MTOR: variants seen among roughly 807,000 people sequenced by gnomAD.
MTOR encodes the protein serine/threonine-protein kinase mTOR.
Under a neutral mutation model 319.8 loss-of-function variants are expected in MTOR, and 70 were observed. The observed-to-expected ratio is 0.22, with a 90% CI of 0.18 to 0.27. MTOR has a LOEUF of 0.27. MTOR is among the 10% of genes least tolerant of loss of function. The pLI is 1.00. For synonymous variants in MTOR, 1,183 were observed against 1,211.4 expected, an observed-to-expected ratio of 0.98 and a Z score of 0.49; for missense variants, 1,890 against 3,274.4, an observed-to-expected ratio of 0.58 and a Z score of 10.32.
At chr1:11,175,558 T>C (rs1644956088) in intron 28 of MTOR, among the ~76,000 whole-genome samples, 1 of 152,176 alleles carries the variant, frequency 6.6e-6, no homozygotes, top group Non-Finnish European at 1.5e-5. Flanking sequence ...GCTGAACATC[T>C]TATCCCCACT....
Position 11,250,042 on chromosome 1 carries a change from G to C in MTOR, c.841-1948C>G, listed in dbSNP as rs1271792477. 9.6e-4 allele frequency among the ~76,000 whole-genome samples: 131 copies of C among 136,446 alleles called. 1 individual carries two copies. The South Asian group carries it at 0.032, about 34-fold the overall frequency. 89.5% of individuals were successfully genotyped at this position (136,446 alleles called of 152,430 possible). On this transcript the variant is annotated intron_variant, in intron 6 of 57. Coordinates refer to ENST00000361445, the MANE Select transcript of MTOR (RefSeq NM_004958.4). ...TCCCGGACGGGGTGGCTGGCCGGGC[G>C]GGGGGCTGACCCCCACACCTCCCTC... is the stretch of plus-strand genomic sequence containing the variant.
chr1:11,199,160 A>T lies in MTOR; in HGVS notation c.4253+98T>A, dbSNP rs529102568. ...GACCCAGAGGCAGATTTCACAGAGC[A>T]GAAGTCTTCAAGTGACTCCAGTGAA... On this transcript the variant is annotated intron_variant, in intron 28 of 57. Transcript: ENST00000361445. The surrounding 1 kb of genome is among the most constrained non-coding windows in gnomAD (Gnocchi z 4.5). 1 of 1,494,050 alleles carries T rather than the reference A, an allele frequency of 6.7e-7. No individual in the cohort carries two copies. Among genetic ancestry groups the T allele is most frequent in the South Asian group, 1.2e-5 (1 of 85,368 alleles). The allele number at this position is 1,494,050 out of a possible 1,614,324, so 92.5% of individuals were successfully genotyped here.
At chr1:11,210,782 G>A (rs781574890) in intron 24 of MTOR, 32 bp downstream of exon 24, 1 of 1,460,072 alleles carries the variant, frequency 6.8e-7, no homozygotes, top group East Asian at 2.3e-5. Context: ...AAGACAACAG[G>A]GACTTCAGAA....
rs28990669 is a variant in MTOR at position 11,196,479 on chromosome 1, T to A, written c.4253+2779A>T. ...CCCTGTAGCAGATAGGTTAAAAAAGTCAATAGGTTGCAAGACGGATTGAAC... is the reference window on the plus strand; with the variant it reads ...CCCTGTAGCAGATAGGTTAAAAAAGACAATAGGTTGCAAGACGGATTGAAC... On this transcript the variant is annotated intron_variant, in intron 28 of 57. Transcript: ENST00000361445. Among the ~76,000 whole-genome samples the A allele has an allele frequency of 2.0e-5, 3 of 152,216 alleles. No homozygotes were observed. The East Asian group carries it at 5.8e-4, about 29-fold the overall frequency.
chr1:11,237,539 C>T (rs1211774520), intron 13 of MTOR, among the ~76,000 whole-genome samples: 1 of 152,032 alleles, frequency 6.6e-6, no homozygotes, highest in East Asian at 1.9e-4. Flanking sequence ...AGCAGATCAA[C>T]CCAGCAAGCA....
intron 31 of MTOR, among the ~76,000 whole-genome samples, chr1:11,148,269 G>A (rs1156891549): frequency 6.6e-6 from 1 of 152,056 alleles, no homozygotes; most frequent in Non-Finnish European, 1.5e-5. Context: ...ATACTAGTCT[G>A]GAAACGCCTA....
At chr1:11,198,793 T>C (rs1452537770) in intron 28 of MTOR, among the ~76,000 whole-genome samples, 2 of 152,336 alleles carry the variant, frequency 1.3e-5, no homozygotes, top group East Asian at 3.9e-4. Flanking sequence ...TTTCAGATTA[T>C]GCTCTGCCTT....
chr1:11,120,849 A>G (rs1183833064), intron 49 of MTOR, among the ~76,000 whole-genome samples: 1 of 152,122 alleles, frequency 6.6e-6, no homozygotes, highest in East Asian at 1.9e-4. Context: ...TTCTATCCAC[A>G]GTTGGCTGAA....
At chr1:11,112,156 C>A (rs1456063843) in intron 54 of MTOR, among the ~76,000 whole-genome samples, 9 of 152,174 alleles carry the variant, frequency 5.9e-5, no homozygotes, top group Admixed American at 5.9e-4. Context: ...AGTCGCGCTC[C>A]TAGAAACACT....
Position 11,259,309 on chromosome 1 carries a change from T to C in MTOR, c.101A>G (p.Glu34Gly). The change falls in exon 2 of 58, where the codon GAG (glutamate) becomes GGG (glycine). Residue 34 changes from glutamate to glycine, a missense_variant. By Grantham distance (98) the Glu-to-Gly change is moderately conservative (BLOSUM62 -2). This residue lies in a region of MTOR where 85 missense variants were observed against 105.8 expected (regional missense o/e 0.80). Transcript: ENST00000361445. ...CTTGGCGGCTTTGGCCCTGGTTTCC[T>C]CATTCCGGCTCTTTAGGCCACTGGC... The part of the protein sequence containing the change: ...QFASGLKSRN[E>G]ETRAKAAKEL... The C allele has an allele frequency of 6.2e-7, 1 of 1,613,864 alleles. No homozygotes were observed. Among genetic ancestry groups the C allele is most frequent in the Non-Finnish European group, 8.5e-7 (1 of 1,179,918 alleles).
Position 11,129,850 on chromosome 1 carries a change from C to T in MTOR, c.5614-12G>A. 1 of 1,612,258 alleles carries T rather than the reference C, an allele frequency of 6.2e-7. No individual in the cohort carries two copies. On this transcript the variant is annotated splice_polypyrimidine_tract_variant and intron_variant, in intron 39 of 57. Transcript: ENST00000361445. The surrounding 1 kb of genome is among the most constrained non-coding windows in gnomAD (Gnocchi z 4.7). Reference sequence around the variant, plus strand: ...GTTTTGGACAGATCCTGTTGGAACACACACGTGTTAGCGACACTCTTGCCT... The same window carrying T: ...GTTTTGGACAGATCCTGTTGGAACATACACGTGTTAGCGACACTCTTGCCT...
chr1:11,248,612 G>A (rs2746641), intron 6 of MTOR, among the ~76,000 whole-genome samples: 1,768 of 152,202 alleles, frequency 0.012, 50 homozygotes, highest in African/African-American at 0.04. Context: ...AGGAGTTCAA[G>A]CCCAGCCTGG....
In MTOR at chr1:11,150,194, C is replaced by T; in HGVS notation, c.4502G>A (p.Trp1501Ter). Reference sequence around the variant, plus strand: ...TTGGGTCTCATCATTAACCAGGGTCCACTTTTCACAGCACTGCTGGTGGAG... The same window carrying T: ...TTGGGTCTCATCATTAACCAGGGTCTACTTTTCACAGCACTGCTGGTGGAG... ...GQLHQQCCEK[W>*]TLVNDETQAK... Residue 1501 changes from tryptophan to a stop codon, truncating the protein, a stop_gained, in exon 31 of 58, where the codon TGG becomes TAG. Coordinates refer to ENST00000361445, the MANE Select transcript of MTOR (RefSeq NM_004958.4). LOFTEE classifies it high-confidence loss of function. 6.2e-7 allele frequency: 1 copy of T among 1,614,058 alleles called. No individual in the cohort carries two copies. The highest frequency in any genetic ancestry group is 8.5e-7 in the Non-Finnish European group (1 of 1,179,998).
At chr1:11,140,168 T>C (rs555892104) in intron 34 of MTOR, among the ~76,000 whole-genome samples, 6 of 152,224 alleles carry the variant, frequency 3.9e-5, no homozygotes, top group East Asian at 1.9e-4. Flanking sequence ...CCAATTCCAC[T>C]GTGAAACACA....
chr1:11,134,344 A>T lies in MTOR; in HGVS notation c.5246+7T>A, dbSNP rs2100451585. The T allele has an allele frequency of 6.2e-7, 1 of 1,612,880 alleles. No individual in the cohort carries two copies. The highest frequency in any genetic ancestry group is 8.5e-7 in the Non-Finnish European group (1 of 1,179,294). On this transcript the variant is annotated splice_region_variant and intron_variant, in intron 37 of 57. Transcript: ENST00000361445. ...TATGACTTGCCCCAGGTCAGTGGGGACCTCACCGGGCCATGAGCTTGTGCA... is the reference window on the plus strand; with the variant it reads ...TATGACTTGCCCCAGGTCAGTGGGGTCCTCACCGGGCCATGAGCTTGTGCA...
In MTOR at chr1:11,204,501, T is replaced by G. The variant is rs530146962; in HGVS notation, c.3944+60A>C. ...CTTGATTATTACTTCTAATAAAAAC[T>G]AATTTGTATATATCGTTTTCTATGT... is the stretch of plus-strand genomic sequence containing the variant. On this transcript the variant is annotated intron_variant, in intron 26 of 57. Transcript: ENST00000361445. 7.6e-5 allele frequency: 114 copies of G among 1,506,704 alleles called. No individual in the cohort carries two copies. In the African/African-American group the frequency reaches 1.5e-3, roughly 20 times the overall value. The allele number at this position is 1,506,704 out of a possible 1,614,324, so 93.3% of individuals were successfully genotyped here.
rs1314981087 is a variant in MTOR, at chr1:11,121,480, A to G, written c.6811-112T>C. On this transcript the variant is annotated intron_variant, in intron 48 of 57. Coordinates refer to ENST00000361445, the MANE Select transcript of MTOR (RefSeq NM_004958.4). This position sits in a 1 kb window ranked among gnomAD's most constrained non-coding sequence, Gnocchi z 4.9. Reference sequence around the variant, plus strand: ...AGAGCTGAGTTCTAATTTCCCCATCATAGCCAAAGGAGAAGGGAAATAAGA... The same window carrying G: ...AGAGCTGAGTTCTAATTTCCCCATCGTAGCCAAAGGAGAAGGGAAATAAGA... 1 of 1,404,796 alleles carries G rather than the reference A, an allele frequency of 7.1e-7. No individual in the cohort carries two copies. Among genetic ancestry groups the G allele is most frequent in the Non-Finnish European group, 9.7e-7 (1 of 1,027,028 alleles). 87.0% of individuals were successfully genotyped at this position (1,404,796 alleles called of 1,614,324 possible). A position where few individuals can be genotyped will look rare whatever the true frequency, so the allele number is the denominator to read the frequency against.
At chr1:11,165,327 T>C (rs1347292110) in intron 29 of MTOR, among the ~76,000 whole-genome samples, 1 of 152,188 alleles carries the variant, frequency 6.6e-6, no homozygotes, top group African/African-American at 2.4e-5. Flanking sequence ...GGTGACATGA[T>C]TGTATATTTA....
At chr1:11,217,526 G>A (rs996348487) in intron 19 of MTOR, among the ~76,000 whole-genome samples, 8 of 150,742 alleles carry the variant, frequency 5.3e-5, no homozygotes, top group Non-Finnish European at 1.0e-4. Context: ...TCTGCCTCCC[G>A]AGTAGCTGGG....
Sources: gnomAD v4.1 joint callset for allele counts (sites outside exome capture counted in the v4.1 genomes callset) on GRCh38, gnomAD v4.1.1 for gene constraint, gnomAD v4.1.1 regional missense constraint, Gnocchi (gnomAD v3.1) non-coding constraint, MANE v1.5 for transcripts, NCBI Gene and HGNC (gene_info 2026-07-23, HGNC 2026-07-21) for gene names.